The following STT3B variants were observed in gnomAD, a reference collection of about 807,000 sequenced individuals.
STT3B encodes the protein STT3 oligosaccharyltransferase complex catalytic subunit B, also known as dolichyl-diphosphooligosaccharide--protein glycosyltransferase subunit STT3B.
STT3B carries 29 observed loss-of-function variants against 96.8 expected under a neutral mutation model. The observed-to-expected ratio is 0.30, with a 90% CI of 0.22 to 0.41. The LOEUF is 0.41. STT3B is among the 10% of genes least tolerant of loss of function. STT3B has a pLI of 1.00. For missense variants in STT3B, 640 were observed against 1,022.3 expected, an observed-to-expected ratio of 0.63 and a Z score of 5.10; for synonymous variants, 367 against 360.0, an observed-to-expected ratio of 1.02 and a Z score of -0.22.
intron 5 of STT3B, 38 bp from the exon 6 acceptor site, chr3:31,615,067 G>C (rs1368430776): frequency 7.1e-6 from 9 of 1,263,524 alleles, no homozygotes; most frequent in Non-Finnish European, 7.9e-6. Context: ...CTTAATGGTA[G>C]TAGTAAATTA....
chr3:31,628,680 G>T (rs995600223), intron 13 of STT3B, among the ~76,000 whole-genome samples: 2 of 152,034 alleles, frequency 1.3e-5, no homozygotes, highest in African/African-American at 4.8e-5. Context: ...CCCAAATAAA[G>T]CCGATTTTAA....
chr3:31,594,611 G>T (rs1487291465), intron 3 of STT3B, among the ~76,000 whole-genome samples: 2 of 151,924 alleles, frequency 1.3e-5, no homozygotes, highest in Non-Finnish European at 2.9e-5. Flanking sequence ...TGTATTTTTA[G>T]TAGAGACGGG....
At chr3:31,579,597 T>C (rs1167263728) in intron 2 of STT3B, among the ~76,000 whole-genome samples, 1 of 151,886 alleles carries the variant, frequency 6.6e-6, no homozygotes, top group Non-Finnish European at 1.5e-5. Context: ...CCTGATCTTT[T>C]TATGTATTCC....
chr3:31,557,471 T>C (rs761859488), intron 1 of STT3B, among the ~76,000 whole-genome samples: 3 of 152,204 alleles, frequency 2.0e-5, no homozygotes, highest in African/African-American at 7.2e-5. Context: ...GGCAGTATGC[T>C]CATTTTAACA....
Position 31,607,820 on chromosome 3 carries a change from G to A in STT3B, c.878-7285G>A, listed in dbSNP as rs1003137982. On this transcript the variant is annotated intron_variant, in intron 5 of 15. Coordinates refer to ENST00000295770, the MANE Select transcript of STT3B (RefSeq NM_178862.3). ...TCATTAAGTTGCCCAGGGTGGTCTC[G>A]AACTCCTGGGCTGAAGTGGTCCTCC... is the stretch of plus-strand genomic sequence containing the variant. 2.6e-4 allele frequency among the ~76,000 whole-genome samples: 39 copies of A among 152,082 alleles called. 2 individuals carry two copies. The highest frequency in any genetic ancestry group is 2.0e-3 in the Admixed American group (30 of 15,276).
chr3:31,619,553 A>C, intron 8 of STT3B, 123 bp from the exon 9 acceptor site: 5 of 739,106 alleles, frequency 6.8e-6, no homozygotes, highest in Non-Finnish European at 1.1e-5. Flanking sequence ...CTTGGAAGGT[A>C]TATTTAAATA....
intron 9 of STT3B, among the ~76,000 whole-genome samples, chr3:31,620,717 G>A (rs926750702): frequency 1.3e-5 from 2 of 152,178 alleles, no homozygotes; most frequent in African/African-American, 4.8e-5. Context: ...TGGTTGTTTT[G>A]TATGAGATAA....
At chr3:31,564,491 A>G (rs747675739) in intron 1 of STT3B, among the ~76,000 whole-genome samples, 65 of 152,198 alleles carry the variant, frequency 4.3e-4, no homozygotes, top group Middle Eastern at 6.3e-3. Context: ...TCTCATCTGT[A>G]AATAGGGAAT....
At chr3:31,631,418 T>G (rs1456098590) in intron 14 of STT3B, among the ~76,000 whole-genome samples, 1 of 152,208 alleles carries the variant, frequency 6.6e-6, no homozygotes, top group Non-Finnish European at 1.5e-5. Flanking sequence ...CTGATTGGCT[T>G]GTTTCTGATT....
At chr3:31,543,316 A>G (rs1379164184) in intron 1 of STT3B, among the ~76,000 whole-genome samples, 1 of 152,206 alleles carries the variant, frequency 6.6e-6, no homozygotes, top group African/African-American at 2.4e-5. Context: ...TTGGTAAGGT[A>G]CTGTTATGAT....
rs115296367 is a variant in STT3B, at chr3:31,542,970, G to T, written c.314+9658G>T. ...AATCCCAGCTGCTCGAGAGGCTGGG[G>T]CAGGAGAATTGTTTGAGCCCGGGTG... On this transcript the variant is annotated intron_variant, in intron 1 of 15. Coordinates refer to ENST00000295770, the MANE Select transcript of STT3B (RefSeq NM_178862.3). Among the ~76,000 whole-genome samples the T allele has an allele frequency of 1.1e-3, 159 of 150,550 alleles. 1 individual carries two copies. The highest frequency in any genetic ancestry group is 1.9e-3 in the Non-Finnish European group (132 of 67,842).
At chr3:31,565,547 T>C (rs1697984513) in intron 1 of STT3B, among the ~76,000 whole-genome samples, 1 of 152,240 alleles carries the variant, frequency 6.6e-6, no homozygotes, top group Non-Finnish European at 1.5e-5. Flanking sequence ...AGTTCAGTTA[T>C]CTGAAGATTG....
chr3:31,589,650 A>C lies in STT3B; in HGVS notation c.712-7148A>C, dbSNP rs931136420. ...CCCAATTACTATAACTTCATTGTAC[A>C]TTTTTAAATTGGGAAGTATTGTAGA... is the stretch of plus-strand genomic sequence containing the variant. On this transcript the variant is annotated intron_variant, in intron 3 of 15. Transcript: ENST00000295770. 4.6e-5 allele frequency among the ~76,000 whole-genome samples: 7 copies of C among 151,938 alleles called. No homozygotes were observed. In the East Asian group the frequency reaches 1.2e-3, roughly 25 times the overall value.
At chr3:31,569,585 C>T (rs1050350459) in intron 1 of STT3B, among the ~76,000 whole-genome samples, 2 of 152,084 alleles carry the variant, frequency 1.3e-5, no homozygotes, top group Non-Finnish European at 2.9e-5. Context: ...ATATACTTAG[C>T]AATTTTTTGT....
chr3:31,554,189 A>G (rs1177021191), intron 1 of STT3B, among the ~76,000 whole-genome samples: 1 of 152,168 alleles, frequency 6.6e-6, no homozygotes, highest in Admixed American at 6.5e-5. Context: ...GATTTTAAGA[A>G]ACAAATTGTG....
chr3:31,576,916 A>G (rs1423521600), intron 2 of STT3B, among the ~76,000 whole-genome samples: 1 of 152,178 alleles, frequency 6.6e-6, no homozygotes, highest in Non-Finnish European at 1.5e-5. Flanking sequence ...GGCCCTGAAT[A>G]TGGAGACATT....
At chr3:31,621,385 A>G (rs1248530784) in intron 9 of STT3B, among the ~76,000 whole-genome samples, 1 of 152,234 alleles carries the variant, frequency 6.6e-6, no homozygotes, top group Non-Finnish European at 1.5e-5. Context: ...ACAGGTGTGT[A>G]TATATACAAA....
intron 1 of STT3B, among the ~76,000 whole-genome samples, chr3:31,540,405 TTAAAG>T (rs1479750584): frequency 3.9e-5 from 6 of 152,200 alleles, no homozygotes; most frequent in Non-Finnish European, 7.4e-5. Context: ...TAGTAAAGTG[TTAAAG>T]TATTAATGAT....
chr3:31,635,632 G>C lies in STT3B; in HGVS notation c.2401-352G>C, dbSNP rs148789391. On this transcript the variant is annotated intron_variant, in intron 15 of 15. Transcript: ENST00000295770. ...TAATTTCCTGGAGGCTAAATCAGGA[G>C]CAGCATTACCATTTCTGATTCCTTA... Among the ~76,000 whole-genome samples, 22 of 152,302 alleles carry C rather than the reference G, an allele frequency of 1.4e-4. No homozygotes were observed. The East Asian group carries it at 4.0e-3, about 28-fold the overall frequency.
Sources: allele counts gnomAD v4.1 joint callset (sites outside exome capture counted in the v4.1 genomes callset), GRCh38; gene constraint gnomAD v4.1.1; transcripts MANE v1.5; gene names NCBI Gene and HGNC (gene_info 2026-07-23, HGNC 2026-07-21).